NOBOX: variants seen among roughly 807,000 people sequenced by gnomAD.
NOBOX encodes the protein homeobox protein NOBOX.
A neutral mutation model predicts 60.2 loss-of-function variants in NOBOX; 46 were observed. The ratio of observed to expected loss-of-function variants is 0.76; its 90% CI spans 0.60 to 0.98. NOBOX has a LOEUF of 0.98. Among genes scored for constraint, NOBOX ranks in the 50% least tolerant of loss-of-function variants. The pLI, the probability that NOBOX is intolerant of heterozygous loss-of-function variation, is 0.00. For synonymous variants in NOBOX, 360 were observed against 346.3 expected, an observed-to-expected ratio of 1.04 and a Z score of -0.44; for missense variants, 880 against 865.5, an observed-to-expected ratio of 1.02 and a Z score of -0.21.
intron 1 of NOBOX, among the ~76,000 whole-genome samples, chr7:144,409,701 G>A (rs1006627666): frequency 6.6e-6 from 1 of 152,006 alleles, no homozygotes; most frequent in African/African-American, 2.4e-5. Flanking sequence ...TTCCCTTAAT[G>A]GCTTTTAAAA....
In NOBOX at chr7:144,401,113, G is replaced by T. The variant is rs1228743173; in HGVS notation, c.777C>A (p.Asp259Glu). The T allele has an allele frequency of 6.4e-7, 1 of 1,559,462 alleles. No homozygotes were observed. The highest frequency in any genetic ancestry group is 1.2e-5 in the South Asian group (1 of 81,692). The change falls in exon 4 of 10, where the codon GAC becomes GAA. Residue 259 changes from aspartate (D) to glutamate (E), a missense_variant. Transcript: ENST00000467773. The surrounding 1 kb of genome is among the most constrained non-coding windows in gnomAD (Gnocchi z 4.2). ...TCACTTCCGGGGGCCCCTGCTTGTGGTCTCTGTTTTGGTTGCTCTGCGCCA... is the reference window on the plus strand; with the variant it reads ...TCACTTCCGGGGGCCCCTGCTTGTGTTCTCTGTTTTGGTTGCTCTGCGCCA...
chr7:144,404,775 C>T, intron 1 of NOBOX: 3 of 1,376,628 alleles, frequency 2.2e-6, no homozygotes, highest in Non-Finnish European at 3.0e-6. Flanking sequence ...GGAGATCTCA[C>T]AGGGGTGCAG....
In NOBOX at chr7:144,397,308, C is replaced by A; in HGVS notation, c.2008G>T (p.Ala670Ser). The A allele has an allele frequency of 1.3e-6, 2 of 1,537,288 alleles. No homozygotes were observed. The highest frequency in any genetic ancestry group is 1.7e-6 in the Non-Finnish European group (2 of 1,146,922). The stretch of plus-strand genomic sequence containing the variant: ...AGTGCTGAGGGCTGATCCAGGGAAG[C>A]AGCTGGTGGTTCCTCTTTTGCCTTG... Residue 670 changes from alanine to serine, a missense_variant, in exon 10 of 10, where the codon GCT becomes TCT. Transcript: ENST00000467773.
At position 144,404,648 on chromosome 7, in the gene NOBOX, A is replaced by G. The variant is rs1587096246; in HGVS notation, c.118T>C (p.Cys40Arg). The G allele has an allele frequency of 6.2e-7, 1 of 1,613,810 alleles. No homozygotes were observed. Among genetic ancestry groups the G allele is most frequent in the African/African-American group, 1.3e-5 (1 of 74,930 alleles). ...ACTCCGTAGATCCGGTACAGTCCAC[A>G]CACAGGAAATTCAGGTACAGCCAGG... is the stretch of plus-strand genomic sequence containing the variant. Residue 40 changes from cysteine (C) to arginine (R), a missense_variant, in exon 2 of 10, where the codon TGT becomes CGT. Cys to Arg is a radical substitution (Grantham distance 180). Coordinates refer to ENST00000467773, the MANE Select transcript of NOBOX (RefSeq NM_001080413.3).
downstream of NOBOX, among the ~76,000 whole-genome samples, chr7:144,397,038 A>G (rs1260534799): frequency 6.6e-6 from 1 of 152,110 alleles, no homozygotes; most frequent in Non-Finnish European, 1.5e-5. Flanking sequence ...CAGGACCCCC[A>G]CACAGAGTGT....
Position 144,400,244 on chromosome 7 carries a change from T to C in NOBOX, c.913A>G (p.Ile305Val), listed in dbSNP as rs2053927770. ...GGGGTCACCCCCACCGTCTGGGCAA[T>C]CTCTCGGCGTTTATCACTGTCAGGA... Residue 305 changes from isoleucine (I) to valine (V), a missense_variant, in exon 5 of 10, where the codon ATT becomes GTT. Physicochemically the swap from Ile to Val is conservative, Grantham distance 29. Transcript: ENST00000467773. 2 of 1,614,056 alleles carry C rather than the reference T, an allele frequency of 1.2e-6. No homozygotes were observed. The highest frequency in any genetic ancestry group is 1.7e-6 in the Non-Finnish European group (2 of 1,179,894).
chr7:144,399,086 G>C lies in NOBOX; in HGVS notation c.1333C>G (p.Pro445Ala). 8.8e-7 allele frequency: 1 copy of C among 1,131,564 alleles called. No homozygotes were observed. The highest frequency in any genetic ancestry group is 1.5e-5 in the African/African-American group (1 of 65,750). The allele number at this position is 1,131,564 out of a possible 1,614,324, so 70.1% of individuals were successfully genotyped here. Reference sequence around the variant, plus strand: ...AGATCGGCCCTTCGCACAGGTGGGGGGCTGAAGAGTGGGGGGGTCACCACC... The same window carrying C: ...AGATCGGCCCTTCGCACAGGTGGGGCGCTGAAGAGTGGGGGGGTCACCACC... The change falls in exon 8 of 10, where the codon CCC becomes GCC. Residue 445 changes from proline (P) to alanine (A), a missense_variant. Transcript: ENST00000467773.
rs2054012227 is a variant in NOBOX at position 144,410,189 on chromosome 7, C to T, written c.39G>A (p.Glu13=). The change falls in exon 1 of 10, where the codon GAG becomes GAA. Residue 13 remains glutamate, a synonymous_variant. Coordinates refer to ENST00000467773, the MANE Select transcript of NOBOX (RefSeq NM_001080413.3). ...CCTTGTCTCTGGTGTCCCAGGTACC[C>T]TCCAGGTCTGGTGATGTTAGTGTCA... 1.9e-6 allele frequency: 3 copies of T among 1,571,640 alleles called. No individual in the cohort carries two copies. Among genetic ancestry groups the T allele is most frequent in the Non-Finnish European group, 2.6e-6 (3 of 1,156,952 alleles).
At chr7:144,399,252 A>T (rs924491422) in intron 7 of NOBOX, 74 bp from the exon 6 acceptor site, 1 of 946,662 alleles carries the variant, frequency 1.1e-6, no homozygotes, top group South Asian at 1.5e-5. Flanking sequence ...TGAATGGTAG[A>T]CACAAGCCAT....
intron 1 of NOBOX, among the ~76,000 whole-genome samples, chr7:144,404,922 G>C (rs1343514930): frequency 6.6e-6 from 1 of 152,104 alleles, no homozygotes; most frequent in African/African-American, 2.4e-5. Context: ...GGTGCTTGGA[G>C]CTGGGTGGGG....
intron 6 of NOBOX, 58 bp downstream of exon 4, chr7:144,399,699 C>T: frequency 7.0e-7 from 1 of 1,423,172 alleles, no homozygotes; most frequent in Non-Finnish European, 9.7e-7. Context: ...CCTCAGGATC[C>T]CAGCTTGGAC....
intron 5 of NOBOX, 110 bp downstream of exon 3, chr7:144,400,096 A>C: frequency 3.1e-6 from 5 of 1,609,446 alleles, no homozygotes. Flanking sequence ...CTGAGGCCTC[A>C]ATTCAGCTCC....
rs754257755 is a variant in NOBOX at position 144,399,227 on chromosome 7, C to T, written c.1241-49G>A. On this transcript the variant is annotated intron_variant, in intron 7 of 9. Coordinates refer to ENST00000467773, the MANE Select transcript of NOBOX (RefSeq NM_001080413.3). Reference sequence around the variant, plus strand: ...GCTATAACGGTAAGGAAATGGGAGGCAGGTTTGGCATCGCTGAATGGTAGA... The same window carrying T: ...GCTATAACGGTAAGGAAATGGGAGGTAGGTTTGGCATCGCTGAATGGTAGA... 2.1e-5 allele frequency: 22 copies of T among 1,028,144 alleles called. No homozygotes were observed. The Middle Eastern group carries it at 1.3e-3, about 59-fold the overall frequency. The allele number at this position is 1,028,144 out of a possible 1,614,324, so 63.7% of individuals were successfully genotyped here.
intron 8 of NOBOX, 118 bp downstream of exon 6, chr7:144,398,832 G>A: frequency 1.5e-6 from 1 of 668,964 alleles, no homozygotes; most frequent in East Asian, 2.7e-5. Context: ...CCCATCTCCT[G>A]TACCACTCTG....
At chr7:144,398,671 GCCT>G (rs1276542529) in intron 8 of NOBOX, 85 bp from the exon 7 acceptor site, 15 of 963,582 alleles carry the variant, frequency 1.6e-5, no homozygotes, top group African/African-American at 3.2e-5. Context: ...CCTACCTCTC[GCCT>G]CCTCCTCATC....
chr7:144,401,956 G>A lies in NOBOX; in HGVS notation c.211-6C>T. On this transcript the variant is annotated splice_polypyrimidine_tract_variant and splice_region_variant and intron_variant, in intron 2 of 9. Coordinates refer to ENST00000467773, the MANE Select transcript of NOBOX (RefSeq NM_001080413.3). This position sits in a 1 kb window ranked among gnomAD's most constrained non-coding sequence, Gnocchi z 4.2. The stretch of plus-strand genomic sequence containing the variant: ...TCTAAGGGATCATGTTGGGGCTGCG[G>A]ATGGACCAGGAAGACAAAGAGAAAC... 3 of 1,603,854 alleles carry A rather than the reference G, an allele frequency of 1.9e-6. No homozygotes were observed. The highest frequency in any genetic ancestry group is 2.6e-6 in the Non-Finnish European group (3 of 1,170,928).
chr7:144,401,080 T>C lies in NOBOX; in HGVS notation c.810A>G (p.Gln270=). 6.5e-7 allele frequency: 1 copy of C among 1,531,456 alleles called. No homozygotes were observed. Among genetic ancestry groups the C allele is most frequent in the Non-Finnish European group, 8.8e-7 (1 of 1,142,474 alleles). The allele number at this position is 1,531,456 out of a possible 1,614,324, so 94.9% of individuals were successfully genotyped here. A position where few individuals can be genotyped will look rare whatever the true frequency, so the allele number is the denominator to read the frequency against. ...ATAGGGTTCGTGTCTTTTTCCTAAT[T>C]TGGCAGGTCACTTCCGGGGGCCCCT... Residue 270 remains glutamine, a synonymous_variant, in exon 4 of 10, where the codon CAA becomes CAG. Transcript: ENST00000467773. The surrounding 1 kb of genome is among the most constrained non-coding windows in gnomAD (Gnocchi z 4.2).
chr7:144,405,252 A>G (rs559174927), intron 1 of NOBOX, among the ~76,000 whole-genome samples: 1 of 152,306 alleles, frequency 6.6e-6, no homozygotes, highest in South Asian at 2.1e-4. Context: ...CTGTGCTAGA[A>G]ATGAAGCATT....
intron 1 of NOBOX, among the ~76,000 whole-genome samples, chr7:144,408,083 A>G (rs1010518213): frequency 3.3e-5 from 5 of 151,768 alleles, no homozygotes; most frequent in Admixed American, 2.6e-4. Flanking sequence ...CCCGGCCCCA[A>G]CCTTCACTCA....
Sources: gnomAD v4.1 joint callset for allele counts (sites outside exome capture counted in the v4.1 genomes callset) on GRCh38, gnomAD v4.1.1 for gene constraint, Gnocchi (gnomAD v3.1) non-coding constraint, MANE v1.5 for transcripts, NCBI Gene and HGNC (gene_info 2026-07-23, HGNC 2026-07-21) for gene names.